The following CASK variants were observed in gnomAD, a reference collection of about 807,000 sequenced individuals.
The protein encoded by CASK is calcium/calmodulin dependent serine protein kinase.
CASK carries 4 observed loss-of-function variants against 82.9 expected under a neutral mutation model. The observed-to-expected ratio is 0.05, with a 90% confidence interval of 0.02 to 0.11. The LOEUF is 0.11. CASK is among the 10% of genes least tolerant of loss of function. CASK has a pLI of 1.00. For synonymous variants in CASK, 259 were observed against 253.5 expected (o/e 1.02, Z -0.20); for missense variants, 358 against 720.9 (o/e 0.50, Z 5.76).
chrX:41,906,028 T>A, intron 1 of CASK, among the ~76,000 whole-genome samples: 1 of 112,700 alleles, frequency 8.9e-6, no homozygotes. Flanking sequence ...TATACAATTC[T>A]ATGTCTACTA....
At chrX:41,812,535 C>G (rs2070312444) in intron 2 of CASK, among the ~76,000 whole-genome samples, 1 of 111,472 alleles carries the variant, frequency 9.0e-6, no homozygotes, top group African/African-American at 3.3e-5. Context: ...TGACAAAATT[C>G]AACAGCCCTT....
intron 1 of CASK, among the ~76,000 whole-genome samples, chrX:41,862,531 G>C (rs1219113784): frequency 1.1e-5 from 1 of 91,965 alleles, no homozygotes. Flanking sequence ...ACAGAGCAAG[G>C]CTCTGTCTCA....
chrX:41,777,483 C>T (rs1186270475), intron 3 of CASK, among the ~76,000 whole-genome samples: 1 of 97,287 alleles, frequency 1.0e-5, no homozygotes, highest in Non-Finnish European at 2.0e-5. Flanking sequence ...AGCGAGACAT[C>T]GTCTCAAAAA....
intron 3 of CASK, among the ~76,000 whole-genome samples, chrX:41,751,538 G>A (rs899183011): frequency 9.2e-5 from 10 of 109,168 alleles, no homozygotes; most frequent in African/African-American, 3.3e-4. Flanking sequence ...TTTTGGAAAG[G>A]AGGGGTACTT....
Position 41,578,456 on chromosome X carries a change from G to A in CASK, c.1387C>T (p.Pro463Ser). ...TCGCCGTTTAAATAGGGAGAGGTGG[G>A]AGGAGGTGTGACCCTCAATGCTTCA... ...SDEALRVTPP[P>S]TSPYLNGDSP... The change falls in exon 15 of 27, where the codon CCC becomes TCC. Residue 463 changes from proline (P) to serine (S), a missense_variant. Pro to Ser is a moderately conservative substitution (Grantham distance 74). This residue lies in a region of CASK where 110 missense variants were observed against 218.8 expected (regional missense o/e 0.50). Coordinates refer to ENST00000378163, the MANE Select transcript of CASK (RefSeq NM_001367721.1). 8.3e-7 allele frequency: 1 copy of A among 1,205,174 alleles called. No homozygotes were observed. Among genetic ancestry groups the A allele is most frequent in the South Asian group, 1.8e-5 (1 of 56,802 alleles).
chrX:41,898,433 T>G (rs886415790), intron 1 of CASK, among the ~76,000 whole-genome samples: 2 of 111,997 alleles, frequency 1.8e-5, no homozygotes, highest in Non-Finnish European at 3.8e-5. Flanking sequence ...AGTCTCTATT[T>G]CATTTATTTC....
intron 5 of CASK, among the ~76,000 whole-genome samples, chrX:41,717,766 G>A (rs376980857): frequency 1.3e-4 from 15 of 111,773 alleles, no homozygotes; most frequent in East Asian, 5.6e-4. Context: ...GTAATTTGGC[G>A]GTATCTTTTG....
At chrX:41,919,773 A>T (rs1201656098) in intron 1 of CASK, among the ~76,000 whole-genome samples, 1 of 112,457 alleles carries the variant, frequency 8.9e-6, no homozygotes, top group Non-Finnish European at 1.9e-5. Flanking sequence ...AAAATGAGAA[A>T]CACAGGGAAA....
At chrX:41,897,042 T>C (rs1203130150) in intron 1 of CASK, among the ~76,000 whole-genome samples, 2 of 112,013 alleles carry the variant, frequency 1.8e-5, no homozygotes, top group Non-Finnish European at 3.8e-5. Context: ...GTTTTTGATA[T>C]ATAATTTTAA....
At chrX:41,605,454 G>A (rs12353698) in intron 12 of CASK, among the ~76,000 whole-genome samples, 2,807 of 108,490 alleles carry the variant, frequency 0.026, 100 homozygotes, top group African/African-American at 0.089. Flanking sequence ...AAAAAAAAAA[G>A]GGCTGAGTGT....
chrX:41,918,703 G>A (rs974003885), intron 1 of CASK, among the ~76,000 whole-genome samples: 12 of 112,578 alleles, frequency 1.1e-4, no homozygotes, highest in Non-Finnish European at 2.1e-4. Flanking sequence ...TAAAATCCAT[G>A]TTTTAGCCAT....
intron 14 of CASK, chrX:41,584,121 G>A (rs939088978): frequency 4.4e-5 from 5 of 112,371 alleles, no homozygotes; most frequent in Non-Finnish European, 7.5e-5. Context: ...ATCTGCAAAC[G>A]GGCAGGTTCC....
intron 2 of CASK, among the ~76,000 whole-genome samples, chrX:41,797,117 C>T (rs2069871258): frequency 9.4e-6 from 1 of 106,860 alleles, no homozygotes; most frequent in South Asian, 4.0e-4. Flanking sequence ...GCTAGCTCTC[C>T]GGCTTCTTAG....
chrX:41,687,149 A>G lies in CASK; in HGVS notation c.430-15619T>C, dbSNP rs934016313. ...TAGGTGTAGGAAAATAATATAGAAA[A>G]AAATATATTCATGCTAGATTATATG... is the stretch of plus-strand genomic sequence containing the variant. On this transcript the variant is annotated intron_variant, in intron 5 of 26. Transcript: ENST00000378163. Among the ~76,000 whole-genome samples, 7 of 112,358 alleles carry G rather than the reference A, an allele frequency of 6.2e-5. No homozygotes were observed. In the Admixed American group the frequency reaches 6.6e-4, roughly 11 times the overall value.
At chrX:41,878,166 T>TA (rs758826227) in intron 1 of CASK, among the ~76,000 whole-genome samples, 1,127 of 97,502 alleles carry the variant, frequency 0.012, 10 homozygotes, top group African/African-American at 0.022. Flanking sequence ...AAAATATTCT[T>TA]AAAAAAAAAA....
chrX:41,570,862 A>G (rs777685833), intron 15 of CASK: 1 of 111,949 alleles, frequency 8.9e-6, no homozygotes, highest in East Asian at 2.8e-4. Context: ...GGTTTGGGCT[A>G]TTATAAGTAA....
chrX:41,866,050 T>C (rs747686652), intron 1 of CASK, among the ~76,000 whole-genome samples: 62 of 112,589 alleles, frequency 5.5e-4, no homozygotes, highest in Non-Finnish European at 1.1e-3. Flanking sequence ...AGAGGCAGTA[T>C]AGCCTGGGCT....
chrX:41,783,433 C>T (rs999509497), intron 3 of CASK, among the ~76,000 whole-genome samples: 1 of 108,305 alleles, frequency 9.2e-6, no homozygotes, highest in African/African-American at 3.4e-5. Context: ...GGCGTGGTGA[C>T]CTGTGCCTGG....
rs566223353 is a variant in CASK at position 41,539,560 on chromosome X, G to A, written c.2155+3131C>T. Among the ~76,000 whole-genome samples the A allele has an allele frequency of 1.1e-4, 12 of 112,241 alleles. No homozygotes were observed. In the South Asian group the frequency reaches 4.4e-3, roughly 42 times the overall value. On this transcript the variant is annotated intron_variant, in intron 22 of 26. Transcript: ENST00000378163. ...CCCATGAGCCCATCTGGTTTGGTAT[G>A]AAAGGCTATGATATTTCTAAGTTCT...
Sources: allele counts gnomAD v4.1 joint callset (sites outside exome capture counted in the v4.1 genomes callset), GRCh38; gene constraint gnomAD v4.1.1; regional missense constraint gnomAD v4.1.1; transcripts MANE v1.5; gene names NCBI Gene and HGNC (gene_info 2026-07-23, HGNC 2026-07-21).